The following COMTD1 variants were observed in gnomAD, a reference collection of about 807,000 sequenced individuals.
COMTD1 encodes the protein catechol-O-methyltransferase domain containing 1, also known as catechol O-methyltransferase domain-containing protein 1.
In COMTD1, 35 loss-of-function variants were observed where a neutral mutation model predicts 33.6. That is an observed-to-expected ratio of 1.04 (90% CI 0.80 to 1.38). COMTD1 has a LOEUF of 1.38. Among genes scored for constraint, COMTD1 ranks in the 40% most tolerant of loss-of-function variants. The probability of loss-of-function intolerance (pLI) is 0.00; values close to 1 mark genes in which losing one functional copy is unlikely to be tolerated. For synonymous variants in COMTD1, 160 were observed against 176.8 expected, an observed-to-expected ratio of 0.91 and a Z score of 0.75; for missense variants, 370 against 363.4, an observed-to-expected ratio of 1.02 and a Z score of -0.15.
At chr10:75,235,797 G>GGGCGCCC in intron 1 of COMTD1, 38 bp downstream of exon 1, 1 of 1,538,660 alleles carries the variant, frequency 6.5e-7, no homozygotes, top group Non-Finnish European at 8.8e-7. Flanking sequence ...CCTACTCTGC[G>GGGCGCCC]CCCGCCCACC....
Position 75,235,292 on chromosome 10 carries a change from GA to G in COMTD1, c.302del (p.Ile101ThrfsTer31). 6.3e-7 allele frequency: 1 copy of G among 1,587,566 alleles called. No individual in the cohort carries two copies. On this transcript the variant is annotated frameshift_variant, in exon 3 of 7. Transcript: ENST00000372538. LOFTEE classifies it high-confidence loss of function. ...CCAGGTCCAGCGCCTTCTTGGCCTG[GA>G]TGAGCCGCGCCAGGTTGGCCAAGAG... The part of the protein sequence containing the change: ...AQLLANLARL[I>X]QAKKALDLGT...
chr10:75,234,205 C>CACCTTCCCGCGCCACAGG lies in COMTD1; in HGVS notation c.639_656dup (p.Trp215_Leu220dup). ...CCACGTCCCCTTTCGGAGGTTGCAG[C>CACCTTCCCGCGCCACAGG]ACCTTCCCGCGCCACAGGACCTGCG... On this transcript the variant is annotated inframe_insertion, in exon 7 of 7. Transcript: ENST00000372538. 3 of 1,612,396 alleles carry CACCTTCCCGCGCCACAGG rather than the reference C, an allele frequency of 1.9e-6. No individual in the cohort carries two copies. The highest frequency in any genetic ancestry group is 2.5e-6 in the Non-Finnish European group (3 of 1,179,918).
In COMTD1 at chr10:75,234,711, A is replaced by C; in HGVS notation, c.535T>G (p.Phe179Val). The change falls in exon 6 of 7, where the codon TTC becomes GTC. Residue 179 changes from phenylalanine to valine, a missense_variant. Coordinates refer to ENST00000372538, the MANE Select transcript of COMTD1 (RefSeq NM_144589.4). Reference sequence around the variant, plus strand: ...TCCGCATCCACCACGGCCACGTCGAAGGTGCCGGCCTCGCCCGCCGCCAGC... The same window carrying C: ...TCCGCATCCACCACGGCCACGTCGACGGTGCCGGCCTCGCCCGCCGCCAGC... ...ELLAAGEAGT[F>V]DVAVVDADKE... 1 of 1,593,500 alleles carries C rather than the reference A, an allele frequency of 6.3e-7. No homozygotes were observed. Among genetic ancestry groups the C allele is most frequent in the Non-Finnish European group, 8.5e-7 (1 of 1,171,646 alleles).
chr10:75,233,983 G>A lies in COMTD1; in HGVS notation c.*90C>T. ...GAGGCTCAGGAGGTCGTGTGTCCCA[G>A]CCCCACTTTATTTTCGAATTTAAAA... On this transcript the variant is annotated 3_prime_UTR_variant, in exon 7 of 7. Coordinates refer to ENST00000372538, the MANE Select transcript of COMTD1 (RefSeq NM_144589.4). 1 of 1,604,988 alleles carries A rather than the reference G, an allele frequency of 6.2e-7. No homozygotes were observed. The highest frequency in any genetic ancestry group is 2.2e-5 in the East Asian group (1 of 44,844).
chr10:75,234,191 T>C lies in COMTD1; in HGVS notation c.671A>G (p.Lys224Arg). 6.2e-7 allele frequency: 1 copy of C among 1,613,286 alleles called. No individual in the cohort carries two copies. Among genetic ancestry groups the C allele is most frequent in the South Asian group, 1.1e-5 (1 of 91,078 alleles). The change falls in exon 7 of 7, where the codon AAA becomes AGA. Residue 224 changes from lysine to arginine, a missense_variant. Lys to Arg is a conservative substitution (Grantham distance 26, BLOSUM62 2). Coordinates refer to ENST00000372538, the MANE Select transcript of COMTD1 (RefSeq NM_144589.4). The stretch of plus-strand genomic sequence containing the variant: ...CACACACTCGGCCGCCACGTCCCCT[T>C]TCGGAGGTTGCAGCACCTTCCCGCG... ...LWRGKVLQPPKGDVAAECVRN... is the reference protein window; with the variant it reads ...LWRGKVLQPPRGDVAAECVRN...
rs144042249 is a variant in COMTD1 at position 75,233,823 on chromosome 10, T to C, written c.*250A>G. 7.7e-6 allele frequency: 7 copies of C among 914,196 alleles called. No homozygotes were observed. In the African/African-American group the frequency reaches 8.4e-5, roughly 11 times the overall value. The allele number at this position is 914,196 out of a possible 1,614,324, so 56.6% of individuals were successfully genotyped here. ...AGTTAAAACTTTATAACCTGCCTCCTGCCAGCTGGAGGTTCCTGCAGTTGG... is the reference window on the plus strand; with the variant it reads ...AGTTAAAACTTTATAACCTGCCTCCCGCCAGCTGGAGGTTCCTGCAGTTGG... On this transcript the variant is annotated 3_prime_UTR_variant, in exon 7 of 7. Transcript: ENST00000372538.
chr10:75,235,297 G>C lies in COMTD1; in HGVS notation c.298C>G (p.Leu100Val), dbSNP rs1265576602. ...QAQLLANLAR[L>V]IQAKKALDLG... The stretch of plus-strand genomic sequence containing the variant: ...TCCAGCGCCTTCTTGGCCTGGATGA[G>C]CCGCGCCAGGTTGGCCAAGAGCTGG... Residue 100 changes from leucine (L) to valine (V), a missense_variant, in exon 3 of 7, where the codon CTC (leucine) becomes GTC (valine). Coordinates refer to ENST00000372538, the MANE Select transcript of COMTD1 (RefSeq NM_144589.4). The C allele has an allele frequency of 6.3e-6, 10 of 1,589,622 alleles. No homozygotes were observed. In the Admixed American group the frequency reaches 8.7e-5, roughly 14 times the overall value.
chr10:75,235,751 G>C lies in COMTD1; in HGVS notation c.95-8C>G. 6.3e-7 allele frequency: 1 copy of C among 1,596,602 alleles called. No individual in the cohort carries two copies. The highest frequency in any genetic ancestry group is 8.5e-7 in the Non-Finnish European group (1 of 1,173,338). ...ATGGGGGGCACCGCCTCCCTGACGG[G>C]GAGAGGGTGTTGGATTAACCTGAGC... On this transcript the variant is annotated splice_polypyrimidine_tract_variant and splice_region_variant and intron_variant, in intron 1 of 6. Transcript: ENST00000372538.
chr10:75,234,653 C>T lies in COMTD1; in HGVS notation c.593G>A (p.Cys198Tyr), dbSNP rs1842161857. The change falls in exon 6 of 7, where the codon TGC becomes TAC. Residue 198 changes from cysteine (C) to tyrosine (Y), a missense_variant. Transcript: ENST00000372538. ...KENCSAYYER[C>Y]LQLLRPGGIL... ...GCCTCCGGGTCGCAGCAGCTGCAGG[C>T]AGCGCTCGTAGTAGGCGGAGCAGTT... 6 of 1,571,146 alleles carry T rather than the reference C, an allele frequency of 3.8e-6. No individual in the cohort carries two copies. The highest frequency in any genetic ancestry group is 5.2e-6 in the Non-Finnish European group (6 of 1,158,612).
At chr10:75,234,254 T>C (rs1564719685) in intron 6 of COMTD1, 29 bp from the exon 7 acceptor site, 1 of 1,588,936 alleles carries the variant, frequency 6.3e-7, no homozygotes, top group Non-Finnish European at 8.5e-7. Context: ...AACCGGGCCG[T>C]GGGAGGCGGG....
chr10:75,235,804 C>T, intron 1 of COMTD1, 31 bp downstream of exon 1: 4 of 1,540,626 alleles, frequency 2.6e-6, no homozygotes, highest in Non-Finnish European at 3.5e-6. Context: ...TGCGCCCGCC[C>T]ACCCGCCCGC....
At position 75,235,717 on chromosome 10, in the gene COMTD1, G is replaced by C; in HGVS notation, c.121C>G (p.Arg41Gly). 6.2e-7 allele frequency: 1 copy of C among 1,600,422 alleles called. No homozygotes were observed. The highest frequency in any genetic ancestry group is 8.5e-7 in the Non-Finnish European group (1 of 1,174,920). ...LGRRCPPWRGRREQCLLPPED... is the reference protein window; with the variant it reads ...LGRRCPPWRGGREQCLLPPED... The stretch of plus-strand genomic sequence containing the variant: ...GGGGGAAGCAGGCACTGCTCTCGCC[G>C]GCCTCGCCATGGGGGGCACCGCCTC... Residue 41 changes from arginine to glycine, a missense_variant, in exon 2 of 7, where the codon CGG becomes GGG. By Grantham distance (125) the Arg-to-Gly change is moderately radical. Coordinates refer to ENST00000372538, the MANE Select transcript of COMTD1 (RefSeq NM_144589.4).
Position 75,234,715 on chromosome 10 carries a change from G to T in COMTD1, c.531C>A (p.Gly177=), listed in dbSNP as rs1413416527. ...CATCCACCACGGCCACGTCGAAGGT[G>T]CCGGCCTCGCCCGCCGCCAGCAGCT... The part of the protein sequence containing the change: ...LDELLAAGEA[G]TFDVAVVDAD... The change falls in exon 6 of 7, where the codon GGC becomes GGA. Residue 177 remains glycine, a synonymous_variant. Coordinates refer to ENST00000372538, the MANE Select transcript of COMTD1 (RefSeq NM_144589.4). The T allele has an allele frequency of 6.3e-7, 1 of 1,591,824 alleles. No homozygotes were observed. The highest frequency in any genetic ancestry group is 1.4e-5 in the African/African-American group (1 of 73,840).
chr10:75,235,444 G>T, intron 2 of COMTD1, 72 bp from the exon 3 acceptor site: 1 of 1,364,106 alleles, frequency 7.3e-7, no homozygotes. Context: ...CAAGCCCCAG[G>T]GGCGCGGTTC....
rs1378868442 is a variant in COMTD1 at position 75,233,947 on chromosome 10, C to T, written c.*126G>A. The T allele has an allele frequency of 3.2e-6, 5 of 1,562,886 alleles. No homozygotes were observed. The highest frequency in any genetic ancestry group is 2.3e-5 in the East Asian group (1 of 43,814). ...GGCCTTCCCTCCCTTCCCCATCCAG[C>T]GCCACACACGGAGGCTCAGGAGGTC... is the stretch of plus-strand genomic sequence containing the variant. On this transcript the variant is annotated 3_prime_UTR_variant, in exon 7 of 7. Coordinates refer to ENST00000372538, the MANE Select transcript of COMTD1 (RefSeq NM_144589.4).
chr10:75,234,317 C>T (rs1261441945), intron 6 of COMTD1, 92 bp from the exon 7 acceptor site: 10 of 1,036,100 alleles, frequency 9.7e-6, no homozygotes, highest in Admixed American at 2.6e-5. Flanking sequence ...GGGAGGTGCC[C>T]GGGCGGGAGG....
chr10:75,234,719 G>A lies in COMTD1; in HGVS notation c.527C>T (p.Ala176Val). ...CACCACGGCCACGTCGAAGGTGCCG[G>A]CCTCGCCCGCCGCCAGCAGCTCGTC... Reference protein sequence around the residue: ...TLDELLAAGEAGTFDVAVVDA... With the variant: ...TLDELLAAGEVGTFDVAVVDA... Residue 176 changes from alanine (A) to valine (V), a missense_variant, in exon 6 of 7, where the codon GCC (alanine) becomes GTC (valine). Coordinates refer to ENST00000372538, the MANE Select transcript of COMTD1 (RefSeq NM_144589.4). 6.3e-7 allele frequency: 1 copy of A among 1,591,070 alleles called. No individual in the cohort carries two copies. The highest frequency in any genetic ancestry group is 8.5e-7 in the Non-Finnish European group (1 of 1,170,632).
intron 6 of COMTD1, 31 bp downstream of exon 6, chr10:75,234,579 G>A: frequency 6.5e-7 from 1 of 1,539,192 alleles, no homozygotes; most frequent in Non-Finnish European, 8.8e-7. Context: ...CCGACAGGGT[G>A]CTTTCTCCTC....
chr10:75,235,797 G>GGGCCCCCCCC, intron 1 of COMTD1, 38 bp downstream of exon 1: 3 of 1,538,630 alleles, frequency 1.9e-6, no homozygotes, highest in East Asian at 2.5e-5. Flanking sequence ...CCTACTCTGC[G>GGGCCCCCCCC]CCCGCCCACC....
Sources: gnomAD v4.1 joint callset for allele counts on GRCh38, gnomAD v4.1.1 for gene constraint, MANE v1.5 for transcripts, NCBI Gene and HGNC (gene_info 2026-07-23, HGNC 2026-07-21) for gene names.